ANO6: variants seen among roughly 807,000 people sequenced by gnomAD.
ANO6 encodes anoctamin 6.
In ANO6, 106 loss-of-function variants were observed where a neutral mutation model predicts 117.5. The observed-to-expected ratio is 0.90, with a 90% CI of 0.77 to 1.06. The LOEUF (loss-of-function observed/expected upper bound fraction) is 1.06, where lower values mean the gene tolerates loss of function less well. ANO6 is among the 50% of genes least tolerant of loss of function. The pLI, the probability that ANO6 is intolerant of heterozygous loss-of-function variation, is 0.00. For synonymous variants in ANO6, 367 were observed against 385.1 expected (o/e 0.95, Z 0.55); for missense variants, 955 against 1,121.1 (o/e 0.85, Z 2.12).
At chr12:45,416,997 G>A in intron 17 of ANO6, 93 bp downstream of exon 17, 1 of 1,264,122 alleles carries the variant, frequency 7.9e-7, no homozygotes, top group South Asian at 1.3e-5. Flanking sequence ...TTTAAAATGA[G>A]AGGAAGATGC....
intron 1 of ANO6, among the ~76,000 whole-genome samples, chr12:45,259,418 G>A (rs1223077481): frequency 1.3e-5 from 2 of 152,196 alleles, no homozygotes; most frequent in South Asian, 4.1e-4. Context: ...AACTATAAAA[G>A]GTTAAGAACC....
chr12:45,335,585 CT>C (rs1374518083), intron 3 of ANO6: 1 of 151,934 alleles, frequency 6.6e-6, no homozygotes, highest in African/African-American at 2.4e-5. Flanking sequence ...AAAAGAAATG[CT>C]TAGTGGATCA....
chr12:45,290,316 C>T (rs73281433), intron 1 of ANO6, among the ~76,000 whole-genome samples: 1 of 151,312 alleles, frequency 6.6e-6, no homozygotes, highest in South Asian at 2.1e-4. Flanking sequence ...GCAGCAAAAA[C>T]TGGTTTTGAA....
chr12:45,325,231 G>A (rs1940421201), intron 2 of ANO6, among the ~76,000 whole-genome samples: 1 of 152,132 alleles, frequency 6.6e-6, no homozygotes. Flanking sequence ...ATATAAGATT[G>A]GAGCTATTTC....
In ANO6 at chr12:45,227,498, A is replaced by AGTCCTGT. The variant is rs537240688; in HGVS notation, c.70+11110_70+11116dup. ...TCAGCCTCTCTGAGCCTGTTTCTTC[A>AGTCCTGT]GTCCTGTGTGGTTGCTGGGAGGATG... is the stretch of plus-strand genomic sequence containing the variant. On this transcript the variant is annotated intron_variant, in intron 1 of 19. Coordinates refer to ENST00000320560, the MANE Select transcript of ANO6 (RefSeq NM_001025356.3). 3.3e-3 allele frequency among the ~76,000 whole-genome samples: 510 copies of AGTCCTGT among 152,268 alleles called. 3 individuals are homozygous for AGTCCTGT. Among genetic ancestry groups the AGTCCTGT allele is most frequent in the African/African-American group, 0.011 (461 of 41,556 alleles).
At chr12:45,436,723 T>C (rs1943710901), downstream of ANO6, among the ~76,000 whole-genome samples, 1 of 152,216 alleles carries the variant, frequency 6.6e-6, no homozygotes. Flanking sequence ...ATCCCAGCAC[T>C]TTGGGAGGCC....
At chr12:45,355,153 C>T (rs1295208004) in intron 7 of ANO6, among the ~76,000 whole-genome samples, 1 of 152,062 alleles carries the variant, frequency 6.6e-6, no homozygotes, top group African/African-American at 2.4e-5. Flanking sequence ...TGACTGTATA[C>T]TTGTAACTTT....
At chr12:45,393,743 C>T (rs1942525240) in intron 12 of ANO6, among the ~76,000 whole-genome samples, 1 of 152,152 alleles carries the variant, frequency 6.6e-6, no homozygotes, top group Non-Finnish European at 1.5e-5. Flanking sequence ...TCCAGCCAAA[C>T]TAAGCTTCAT....
chr12:45,298,384 C>T (rs1939366961), intron 1 of ANO6, among the ~76,000 whole-genome samples: 2 of 152,168 alleles, frequency 1.3e-5, no homozygotes. Context: ...TGATTCTGCT[C>T]ATTTTAATAC....
intron 10 of ANO6, 115 bp downstream of exon 10, chr12:45,378,228 T>A: frequency 1.0e-6 from 1 of 981,896 alleles, no homozygotes; most frequent in Non-Finnish European, 1.5e-6. Flanking sequence ...TCAACTCCCC[T>A]AGAATTCCAT....
intron 3 of ANO6, among the ~76,000 whole-genome samples, chr12:45,334,347 C>A (rs770062297): frequency 2.0e-5 from 3 of 152,018 alleles, no homozygotes; most frequent in Non-Finnish European, 4.4e-5. Flanking sequence ...AGAGATACAG[C>A]CATTTCTGGA....
At chr12:45,384,292 T>C (rs1942241482) in intron 10 of ANO6, among the ~76,000 whole-genome samples, 1 of 152,236 alleles carries the variant, frequency 6.6e-6, no homozygotes, top group South Asian at 2.1e-4. Flanking sequence ...TCATTAAAAC[T>C]TTCTCCGTAT....
intron 16 of ANO6, among the ~76,000 whole-genome samples, chr12:45,412,194 T>C (rs1943104512): frequency 6.6e-6 from 1 of 152,202 alleles, no homozygotes; most frequent in South Asian, 2.1e-4. Flanking sequence ...CGTAGTTGTC[T>C]GTATTCAAAC....
chr12:45,439,648 T>C, intron 19 of ANO6: 1 of 142,818 alleles, frequency 7.0e-6, no homozygotes. Flanking sequence ...ATTTAATTGC[T>C]TTTTTTTTTT....
At position 45,302,049 on chromosome 12, in the gene ANO6, T is replaced by G. The variant is rs779178480; in HGVS notation, c.106T>G (p.Leu36Val). The stretch of plus-strand genomic sequence containing the variant: ...CCTTGGACAGACAATTGTCCCCGAT[T>G]TGGGATCACTGGAAAGTCAGCATGA... Reference protein sequence around the residue: ...ENLGQTIVPDLGSLESQHDFR... With the variant: ...ENLGQTIVPDVGSLESQHDFR... The change falls in exon 2 of 20, where the codon TTG becomes GTG. Residue 36 changes from leucine to valine, a missense_variant. Coordinates refer to ENST00000320560, the MANE Select transcript of ANO6 (RefSeq NM_001025356.3). The G allele has an allele frequency of 1.7e-5, 28 of 1,613,880 alleles. No individual in the cohort carries two copies. The African/African-American group carries it at 2.4e-4, about 14-fold the overall frequency.
At position 45,431,140 on chromosome 12, in the gene ANO6, A is replaced by G; in HGVS notation, c.*1829A>G. ...GGACCCCATTTCACTGTCTCTCTTG[A>G]TCGTGTTAATGATGCAATCAGAGTT... On this transcript the variant is annotated 3_prime_UTR_variant, in exon 20 of 20. Coordinates refer to ENST00000320560, the MANE Select transcript of ANO6 (RefSeq NM_001025356.3). The G allele has an allele frequency of 4.1e-6, 4 of 985,214 alleles. No homozygotes were observed. Among genetic ancestry groups the G allele is most frequent in the Non-Finnish European group, 4.8e-6 (4 of 829,814 alleles). 61.0% of individuals were successfully genotyped at this position (985,214 alleles called of 1,614,324 possible). A position where few individuals can be genotyped will look rare whatever the true frequency, so the allele number is the denominator to read the frequency against.
intron 2 of ANO6, 67 bp downstream of exon 2, chr12:45,302,160 A>G: frequency 2.8e-6 from 4 of 1,454,362 alleles, no homozygotes; most frequent in Non-Finnish European, 3.9e-6. Flanking sequence ...AAATGAGAAA[A>G]AAGTTCTTTT....
chr12:45,388,401 AT>A (rs1942357659), intron 11 of ANO6, 98 bp downstream of exon 11: 4 of 1,469,632 alleles, frequency 2.7e-6, no homozygotes, highest in Non-Finnish European at 3.8e-6. Context: ...CTTAAAAAAT[AT>A]TGATACCTGA....
intron 11 of ANO6, among the ~76,000 whole-genome samples, chr12:45,388,890 TTGC>T (rs1488353803): frequency 1.3e-5 from 2 of 152,194 alleles, no homozygotes; most frequent in Non-Finnish European, 2.9e-5. Context: ...AAAGGTAGAT[TTGC>T]TGCTGCTACC....
Sources: allele counts gnomAD v4.1 joint callset (sites outside exome capture counted in the v4.1 genomes callset), GRCh38; gene constraint gnomAD v4.1.1; transcripts MANE v1.5; gene names NCBI Gene and HGNC (gene_info 2026-07-23, HGNC 2026-07-21).